SLC2A1: variants seen among roughly 807,000 people sequenced by gnomAD.
The protein encoded by SLC2A1 is solute carrier family 2 member 1, also known as solute carrier family 2, facilitated glucose transporter member 1.
In SLC2A1, 4 loss-of-function variants were observed where a neutral mutation model predicts 46.6. The observed-to-expected ratio is 0.09, with a 90% CI of 0.04 to 0.20. The LOEUF (loss-of-function observed/expected upper bound fraction) is 0.20, where lower values mean the gene tolerates loss of function less well. SLC2A1 is among the 10% of genes least tolerant of loss of function. The probability of loss-of-function intolerance (pLI) is 1.00; values close to 1 mark genes in which losing one functional copy is unlikely to be tolerated. For missense variants in SLC2A1, 352 were observed against 667.0 expected (o/e 0.53, Z 5.20); for synonymous variants, 253 against 270.0 (o/e 0.94, Z 0.62).
Position 42,929,749 on chromosome 1 carries a change from C to G in SLC2A1, c.711G>C (p.Val237=). 9 of 1,614,180 alleles carry G rather than the reference C, an allele frequency of 5.6e-6. No individual in the cohort carries two copies. The highest frequency in any genetic ancestry group is 7.6e-6 in the Non-Finnish European group (9 of 1,180,032). ...CCTTCATCTCCTGCAGGTCATGGGT[C>G]ACGTCAGCTGTCCCGCGCAGCTTCT... ...VLKKLRGTAD[V]THDLQEMKEE... is the part of the protein sequence containing the mutation. Residue 237 remains valine, a synonymous_variant, in exon 6 of 10, where the codon GTG becomes GTC. Transcript: ENST00000426263. The surrounding 1 kb of genome is among the most constrained non-coding windows in gnomAD (Gnocchi z 6.0).
intron 1 of SLC2A1, chr1:42,951,669 C>T: frequency 2.5e-6 from 1 of 395,000 alleles, no homozygotes; most frequent in Non-Finnish European, 4.5e-6. Context: ...ACTTCTGAAG[C>T]TTTTTTTTAA....
intron 1 of SLC2A1, among the ~76,000 whole-genome samples, chr1:42,946,643 C>A (rs1228004518): frequency 6.6e-6 from 1 of 152,194 alleles, no homozygotes; most frequent in Non-Finnish European, 1.5e-5. Context: ...GGCAAGGCTA[C>A]ATTCCAGGTG....
chr1:42,945,022 C>T (rs1357080755), intron 1 of SLC2A1, among the ~76,000 whole-genome samples: 1 of 152,126 alleles, frequency 6.6e-6, no homozygotes, highest in Non-Finnish European at 1.5e-5. Flanking sequence ...CAGCGACACA[C>T]CAGGTCAAGC....
chr1:42,958,619 G>A lies in SLC2A1; in HGVS notation c.18+15C>T. ...CTTTGTTCCTGGCGGGAGGGCCCGCGGGCGCGCGACTCACCTTGCTGCTGG... is the reference window on the plus strand; with the variant it reads ...CTTTGTTCCTGGCGGGAGGGCCCGCAGGCGCGCGACTCACCTTGCTGCTGG... On this transcript the variant is annotated intron_variant, in intron 1 of 9. Coordinates refer to ENST00000426263, the MANE Select transcript of SLC2A1 (RefSeq NM_006516.4). 1 of 1,524,316 alleles carries A rather than the reference G, an allele frequency of 6.6e-7. No homozygotes were observed. The highest frequency in any genetic ancestry group is 8.8e-7 in the Non-Finnish European group (1 of 1,141,288). 94.4% of individuals were successfully genotyped at this position (1,524,316 alleles called of 1,614,324 possible).
intron 1 of SLC2A1, chr1:42,951,599 A>G: frequency 5.3e-6 from 2 of 374,144 alleles, no homozygotes; most frequent in Non-Finnish European, 9.5e-6. Flanking sequence ...GTAAACACCA[A>G]ACTGTCAAAA....
intron 2 of SLC2A1, 103 bp from the exon 3 acceptor site, chr1:42,931,309 G>T (rs540984384): frequency 8.5e-7 from 1 of 1,172,658 alleles, no homozygotes. Flanking sequence ...CCAGGGCCTG[G>T]CTCTGCCACA....
At chr1:42,935,484 G>A (rs953786378) in intron 2 of SLC2A1, among the ~76,000 whole-genome samples, 1 of 152,228 alleles carries the variant, frequency 6.6e-6, no homozygotes, top group Non-Finnish European at 1.5e-5. Context: ...CCTGGCACAT[G>A]GGTAAGCTGT....
chr1:42,930,586 C>A lies in SLC2A1; in HGVS notation c.516+40G>T. Reference sequence around the variant, plus strand: ...ATCCGAGAGCCACTGAAGCTGTGGGCAGGGGCCGTGCCAGGCAGGTAGATC... The same window carrying A: ...ATCCGAGAGCCACTGAAGCTGTGGGAAGGGGCCGTGCCAGGCAGGTAGATC... On this transcript the variant is annotated intron_variant, in intron 4 of 9. Coordinates refer to ENST00000426263, the MANE Select transcript of SLC2A1 (RefSeq NM_006516.4). The surrounding 1 kb of genome is among the most constrained non-coding windows in gnomAD (Gnocchi z 6.2). The A allele has an allele frequency of 6.2e-7, 1 of 1,611,320 alleles. No individual in the cohort carries two copies. Among genetic ancestry groups the A allele is most frequent in the Non-Finnish European group, 8.5e-7 (1 of 1,179,048 alleles).
intron 1 of SLC2A1, among the ~76,000 whole-genome samples, chr1:42,951,258 T>G (rs530446470): frequency 2.9e-4 from 44 of 152,324 alleles, no homozygotes; most frequent in African/African-American, 9.9e-4. Context: ...GGGACATGCC[T>G]GTAATGAAGT....
intron 1 of SLC2A1, chr1:42,952,309 C>T: frequency 4.4e-6 from 2 of 456,672 alleles, no homozygotes; most frequent in Non-Finnish European, 4.4e-6. Context: ...AGCACTGTGT[C>T]CCCCACAGTG....
At chr1:42,942,632 G>T (rs1409755888) in intron 2 of SLC2A1, among the ~76,000 whole-genome samples, 1 of 151,934 alleles carries the variant, frequency 6.6e-6, no homozygotes, top group Non-Finnish European at 1.5e-5. Context: ...GGGAGAGGAC[G>T]CGGTTTCAAC....
At chr1:42,950,154 T>C (rs531991490) in intron 1 of SLC2A1, among the ~76,000 whole-genome samples, 9 of 152,380 alleles carry the variant, frequency 5.9e-5, no homozygotes, top group African/African-American at 2.2e-4. Flanking sequence ...TATTTTGTGA[T>C]ATGTAAGAAT....
At position 42,958,742 on chromosome 1, in the gene SLC2A1, G is replaced by A; in HGVS notation, c.-91C>T. ...GCTCTCCCGCTCAGGCTCGTGCTCC[G>A]GTCCGGGGACTCCCACTGCGACTCT... On this transcript the variant is annotated 5_prime_UTR_variant, in exon 1 of 10. Transcript: ENST00000426263. 4 of 1,364,476 alleles carry A rather than the reference G, an allele frequency of 2.9e-6. No homozygotes were observed. The highest frequency in any genetic ancestry group is 1.3e-5 in the South Asian group (1 of 78,612). 84.5% of individuals were successfully genotyped at this position (1,364,476 alleles called of 1,614,324 possible). A position where few individuals can be genotyped will look rare whatever the true frequency, so the allele number is the denominator to read the frequency against.
At chr1:42,939,936 G>A (rs190248306) in intron 2 of SLC2A1, among the ~76,000 whole-genome samples, 174 of 128,840 alleles carry the variant, frequency 1.4e-3, no homozygotes, top group African/African-American at 5.1e-3. Context: ...CTGGGCAGCA[G>A]AGCAAGACTC....
intron 2 of SLC2A1, among the ~76,000 whole-genome samples, chr1:42,935,762 G>A (rs1337086328): frequency 6.6e-6 from 1 of 152,166 alleles, no homozygotes; most frequent in Non-Finnish European, 1.5e-5. Flanking sequence ...GGAAGGAAGA[G>A]CTTTATAGAC....
At chr1:42,945,632 C>G (rs1416326658) in intron 1 of SLC2A1, among the ~76,000 whole-genome samples, 3 of 151,134 alleles carry the variant, frequency 2.0e-5, no homozygotes, top group African/African-American at 4.9e-5. Context: ...CCTGTAGTCC[C>G]AACTACTTGG....
chr1:42,931,311 T>A, intron 2 of SLC2A1, 105 bp from the exon 3 acceptor site: 1 of 1,144,100 alleles, frequency 8.7e-7, no homozygotes, highest in Non-Finnish European at 1.2e-6. Flanking sequence ...AGGGCCTGGC[T>A]CTGCCACAGA....
chr1:42,957,644 C>T (rs752731212), intron 1 of SLC2A1, among the ~76,000 whole-genome samples: 2 of 152,220 alleles, frequency 1.3e-5, no homozygotes, highest in Non-Finnish European at 2.9e-5. Flanking sequence ...GCCCTACACA[C>T]AGGAGGGGCT....
At position 42,929,464 on chromosome 1, in the gene SLC2A1, G is replaced by T. The variant is rs761747174; in HGVS notation, c.867+129C>A. 2.7e-6 allele frequency: 3 copies of T among 1,130,858 alleles called. No homozygotes were observed. Among genetic ancestry groups the T allele is most frequent in the East Asian group, 2.4e-5 (1 of 40,852 alleles). 70.1% of individuals were successfully genotyped at this position (1,130,858 alleles called of 1,614,324 possible). On this transcript the variant is annotated intron_variant, in intron 6 of 9. Coordinates refer to ENST00000426263, the MANE Select transcript of SLC2A1 (RefSeq NM_006516.4). The surrounding 1 kb of genome is among the most constrained non-coding windows in gnomAD (Gnocchi z 6.0). ...ACACTGCACTGCAGTGACCTTACGG[G>T]CTTGGGGTCTAAAGGGAAACTTCTT... is the stretch of plus-strand genomic sequence containing the variant.
Sources: allele counts gnomAD v4.1 joint callset (sites outside exome capture counted in the v4.1 genomes callset), GRCh38; gene constraint gnomAD v4.1.1; non-coding constraint Gnocchi (gnomAD v3.1); transcripts MANE v1.5; gene names NCBI Gene and HGNC (gene_info 2026-07-23, HGNC 2026-07-21).